Variants in TOP3B observed in about 807,000 individuals in gnomAD.
The protein encoded by TOP3B is DNA topoisomerase 3-beta-1.
In TOP3B, 45 loss-of-function variants were observed where a neutral mutation model predicts 93.9. That is an observed-to-expected ratio of 0.48 (90% CI 0.38 to 0.61). TOP3B has a LOEUF of 0.61. Ranked by LOEUF, TOP3B falls within the 20% of genes least tolerant of loss-of-function variation. The pLI is 0.00. For synonymous variants in TOP3B, 357 were observed against 472.6 expected, an observed-to-expected ratio of 0.76 and a Z score of 3.17; for missense variants, 750 against 1,156.1, an observed-to-expected ratio of 0.65 and a Z score of 5.09.
Position 21,971,036 on chromosome 22 carries a change from CTTACTGGGAA to C in TOP3B, c.385-640_385-631del, listed in dbSNP as rs1377225815. The C allele has an allele frequency of 7.7e-7, 1 of 1,302,570 alleles. No individual in the cohort carries two copies. The highest frequency in any genetic ancestry group is 1.2e-5 in the South Asian group (1 of 80,938). The allele number at this position is 1,302,570 out of a possible 1,614,324, so 80.7% of individuals were successfully genotyped here. ...CGCCGGAGCCTGGCCACGCAGCTTCCTTACTGGGAATAAGTGGCTTCATTTCTGAAGGGAG... is the reference window on the plus strand; with the variant it reads ...CGCCGGAGCCTGGCCACGCAGCTTCCTAAGTGGCTTCATTTCTGAAGGGAG... On this transcript the variant is annotated intron_variant, in intron 5 of 17. Transcript: ENST00000357179. The surrounding 1 kb of genome is among the most constrained non-coding windows in gnomAD (Gnocchi z 4.6).
Position 21,972,629 on chromosome 22 carries a change from T to C in TOP3B, c.292A>G (p.Met98Val), listed in dbSNP as rs1037846879. 18 of 1,610,446 alleles carry C rather than the reference T, an allele frequency of 1.1e-5. No homozygotes were observed. Among genetic ancestry groups the C allele is most frequent in the East Asian group, 4.5e-5 (2 of 44,810 alleles). The change falls in exon 4 of 18, where the codon ATG (methionine) becomes GTG (valine). Residue 98 changes from methionine (M) to valine (V), a missense_variant. Coordinates refer to ENST00000357179, the MANE Select transcript of TOP3B (RefSeq NM_001282112.2). The part of the protein sequence containing the change: ...EKKEANPKLN[M>V]VKFLQVEGRG... ...CCACGCACCTGCAGGAACTTCACCA[T>C]GTTCAGCTTGGGGTTAGCTTCTTTC...
At chr22:21,958,909 G>T in intron 16 of TOP3B, 1 of 1,040,510 alleles carries the variant, frequency 9.6e-7, no homozygotes, top group Non-Finnish European at 1.4e-6. Context: ...GATGGCAAGT[G>T]GCATGGTGTT....
At position 21,959,780 on chromosome 22, in the gene TOP3B, C is replaced by T. The variant is rs1406035847; in HGVS notation, c.1655-44G>A. ...CAGATATTGCCCTGAGCACTCGCAC[C>T]CAGGGCCATGCCACCCCTTCCCAGG... On this transcript the variant is annotated intron_variant, in intron 14 of 17. Transcript: ENST00000357179. 11 of 1,590,568 alleles carry T rather than the reference C, an allele frequency of 6.9e-6. No homozygotes were observed. The Admixed American group carries it at 1.5e-4, about 22-fold the overall frequency.
intron 16 of TOP3B, 32 bp downstream of exon 16, chr22:21,959,099 CA>C (rs757065414): frequency 6.2e-7 from 1 of 1,611,374 alleles, no homozygotes; most frequent in Non-Finnish European, 8.5e-7. Flanking sequence ...AGGGGTGAGG[CA>C]GCTTGCCTGA....
Position 21,963,677 on chromosome 22 carries a change from T to G in TOP3B, c.1204+246A>C. On this transcript the variant is annotated intron_variant, in intron 11 of 17. Coordinates refer to ENST00000357179, the MANE Select transcript of TOP3B (RefSeq NM_001282112.2). This position sits in a 1 kb window ranked among gnomAD's most constrained non-coding sequence, Gnocchi z 4.8. ...CCCACACCGCCACTCTCTACCCTGGTTTCATTCATGTCCCCTGTGGCGTCT... is the reference window on the plus strand; with the variant it reads ...CCCACACCGCCACTCTCTACCCTGGGTTCATTCATGTCCCCTGTGGCGTCT... The G allele has an allele frequency of 9.7e-6, 5 of 513,498 alleles. No homozygotes were observed. The highest frequency in any genetic ancestry group is 1.7e-5 in the Non-Finnish European group (5 of 287,126). 31.8% of individuals were successfully genotyped at this position (513,498 alleles called of 1,614,324 possible).
Position 21,971,743 on chromosome 22 carries a change from G to A in TOP3B, c.384+134C>T, listed in dbSNP as rs567752728. The A allele has an allele frequency of 4.0e-6, 3 of 758,634 alleles. No individual in the cohort carries two copies. In the African/African-American group the frequency reaches 5.2e-5, roughly 13 times the overall value. The allele number at this position is 758,634 out of a possible 1,614,324, so 47.0% of individuals were successfully genotyped here. A position where few individuals can be genotyped will look rare whatever the true frequency, so the allele number is the denominator to read the frequency against. ...TGTGGAGTTTCAGAATAAAGGGAGG[G>A]GAGAGGTGTTTTTAAACCGGTACAG... On this transcript the variant is annotated intron_variant, in intron 5 of 17. Coordinates refer to ENST00000357179, the MANE Select transcript of TOP3B (RefSeq NM_001282112.2). The surrounding 1 kb of genome is among the most constrained non-coding windows in gnomAD (Gnocchi z 4.6).
rs1279109489 is a variant in TOP3B, at chr22:21,960,375, G to A, written c.1600C>T (p.Arg534Trp). The A allele has an allele frequency of 6.2e-6, 10 of 1,613,642 alleles. No individual in the cohort carries two copies. The highest frequency in any genetic ancestry group is 8.5e-6 in the Non-Finnish European group (10 of 1,179,984). The part of the protein sequence containing the change: ...RNYVTVESGR[R>W]LKPTNLGIVL... The stretch of plus-strand genomic sequence containing the variant: ...ATGCCGAGGTTGGTGGGCTTGAGCC[G>A]GCGCCCGCTCTCCACCGTGACATAG... The change falls in exon 14 of 18, where the codon CGG becomes TGG. Residue 534 changes from arginine to tryptophan, a missense_variant. Arg to Trp is a moderately radical substitution (Grantham distance 101). Transcript: ENST00000357179.
chr22:21,973,270 T>C (rs1284334436), intron 3 of TOP3B: 1 of 159,800 alleles, frequency 6.3e-6, no homozygotes, highest in East Asian at 1.9e-4. Context: ...GGCTTTCTTT[T>C]AGGCCCCATT....
intron 13 of TOP3B, 105 bp downstream of exon 13, chr22:21,962,324 G>A: frequency 6.2e-7 from 1 of 1,600,348 alleles, no homozygotes; most frequent in Non-Finnish European, 8.5e-7. Context: ...CCATGGAGGG[G>A]TGCTGGGCTG....
chr22:21,979,712 T>C (rs542085315), intron 1 of TOP3B, among the ~76,000 whole-genome samples: 575 of 151,626 alleles, frequency 3.8e-3, no homozygotes, highest in African/African-American at 0.012. Flanking sequence ...GAGGCCAAGG[T>C]GGGCAGATCA....
At position 21,970,134 on chromosome 22, in the gene TOP3B, G is replaced by T. The variant is rs1431109662; in HGVS notation, c.581+76C>A. 2 of 1,550,004 alleles carry T rather than the reference G, an allele frequency of 1.3e-6. No individual in the cohort carries two copies. Among genetic ancestry groups the T allele is most frequent in the Non-Finnish European group, 1.7e-6 (2 of 1,146,098 alleles). The stretch of plus-strand genomic sequence containing the variant: ...CTCGAGGAGGCCTAGGGGCCCCGGA[G>T]GGGGACCAGTAGAGGCAGGTCTCTG... On this transcript the variant is annotated intron_variant, in intron 6 of 17. Transcript: ENST00000357179. This position sits in a 1 kb window ranked among gnomAD's most constrained non-coding sequence, Gnocchi z 4.4.
In TOP3B at chr22:21,970,153, G is replaced by A. The variant is rs1442521520; in HGVS notation, c.581+57C>T. 2 of 1,577,478 alleles carry A rather than the reference G, an allele frequency of 1.3e-6. No homozygotes were observed. The highest frequency in any genetic ancestry group is 1.7e-5 in the Admixed American group (1 of 59,220). Reference sequence around the variant, plus strand: ...CCCGGAGGGGGACCAGTAGAGGCAGGTCTCTGGCTGAGGGAGAGTGAGGGT... The same window carrying A: ...CCCGGAGGGGGACCAGTAGAGGCAGATCTCTGGCTGAGGGAGAGTGAGGGT... On this transcript the variant is annotated intron_variant, in intron 6 of 17. Transcript: ENST00000357179. This position sits in a 1 kb window ranked among gnomAD's most constrained non-coding sequence, Gnocchi z 4.4.
rs1601848874 is a variant in TOP3B at position 21,971,713 on chromosome 22, G to A, written c.384+164C>T. ...TTTAATAGAGCCTATGCAGTTAAAA[G>A]TATCTGTGGAGTTTCAGAATAAAGG... On this transcript the variant is annotated intron_variant, in intron 5 of 17. Coordinates refer to ENST00000357179, the MANE Select transcript of TOP3B (RefSeq NM_001282112.2). The surrounding 1 kb of genome is among the most constrained non-coding windows in gnomAD (Gnocchi z 4.6). 2 of 707,558 alleles carry A rather than the reference G, an allele frequency of 2.8e-6. No homozygotes were observed. Among genetic ancestry groups the A allele is most frequent in the Middle Eastern group, 5.4e-4 (2 of 3,682 alleles). The allele number at this position is 707,558 out of a possible 1,614,324, so 43.8% of individuals were successfully genotyped here.
intron 3 of TOP3B, 51 bp from the exon 4 acceptor site, chr22:21,972,769 C>T: frequency 7.0e-7 from 1 of 1,434,946 alleles, no homozygotes; most frequent in Non-Finnish European, 9.8e-7. Context: ...GCCTCCGAGA[C>T]CATCATAACC....
At position 21,959,703 on chromosome 22, in the gene TOP3B, G is replaced by A; in HGVS notation, c.1688C>T (p.Ala563Val). ...GATCAGGTTCAGCTGCTTCTCCACTGCACTGCGGATGGTGGGGAGCACCAG... is the reference window on the plus strand; with the variant it reads ...GATCAGGTTCAGCTGCTTCTCCACTACACTGCGGATGGTGGGGAGCACCAG... ...AELVLPTIRS[A>V]VEKQLNLIAQ... Residue 563 changes from alanine to valine, a missense_variant, in exon 15 of 18, where the codon GCA becomes GTA. Physicochemically the swap from Ala to Val is moderately conservative, Grantham distance 64 (BLOSUM62 0). This residue lies in a region of TOP3B where 737 missense variants were observed against 933.7 expected (regional missense o/e 0.79). Coordinates refer to ENST00000357179, the MANE Select transcript of TOP3B (RefSeq NM_001282112.2). The A allele has an allele frequency of 6.2e-7, 1 of 1,613,432 alleles. No homozygotes were observed. Among genetic ancestry groups the A allele is most frequent in the Non-Finnish European group, 8.5e-7 (1 of 1,179,930 alleles).
intron 14 of TOP3B, 79 bp from the exon 15 acceptor site, chr22:21,959,815 T>C (rs766608980): frequency 6.9e-5 from 107 of 1,553,844 alleles, no homozygotes; most frequent in Non-Finnish European, 8.3e-5. Context: ...GCAGGGATAC[T>C]GCCCTGTTCA....
rs1020756559 is a variant in TOP3B at position 21,970,448 on chromosome 22, C to T, written c.385-42G>A. On this transcript the variant is annotated intron_variant, in intron 5 of 17. Transcript: ENST00000357179. The surrounding 1 kb of genome is among the most constrained non-coding windows in gnomAD (Gnocchi z 4.4). ...GCCAGCTGTGACCCACCTCCCAGAT[C>T]CCTGCCACAGCTCCCCACCCCACTG... The T allele has an allele frequency of 6.3e-7, 1 of 1,594,772 alleles. No individual in the cohort carries two copies. Among genetic ancestry groups the T allele is most frequent in the African/African-American group, 1.3e-5 (1 of 74,424 alleles).
intron 8 of TOP3B, 21 bp from the exon 9 acceptor site, chr22:21,965,396 T>A: frequency 6.4e-7 from 1 of 1,560,298 alleles, no homozygotes; most frequent in Non-Finnish European, 8.7e-7. Flanking sequence ...GGACAGTCAA[T>A]GATTTGGGGA....
At chr22:21,958,801 G>A in intron 16 of TOP3B, 108 bp from the exon 17 acceptor site, 2 of 1,428,482 alleles carry the variant, frequency 1.4e-6, no homozygotes, top group South Asian at 2.9e-5. Flanking sequence ...TGCAGAACCT[G>A]TGACACACTG....
Sources: gnomAD v4.1 joint callset for allele counts (sites outside exome capture counted in the v4.1 genomes callset) on GRCh38, gnomAD v4.1.1 for gene constraint, gnomAD v4.1.1 regional missense constraint, Gnocchi (gnomAD v3.1) non-coding constraint, MANE v1.5 for transcripts, NCBI Gene and HGNC (gene_info 2026-07-23, HGNC 2026-07-21) for gene names.